ZNF845: variants seen among roughly 807,000 people sequenced by gnomAD.
ZNF845 encodes the protein zinc finger protein 845.
Under a neutral mutation model 76.1 loss-of-function variants are expected in ZNF845, and 59 were observed. The ratio of observed to expected loss-of-function variants is 0.78; its 90% CI spans 0.63 to 0.96. The LOEUF (loss-of-function observed/expected upper bound fraction) is 0.96, where lower values mean the gene tolerates loss of function less well. ZNF845 is among the 40% of genes least tolerant of loss of function. The pLI, the probability that ZNF845 is intolerant of heterozygous loss-of-function variation, is 0.00. For missense variants in ZNF845, 1,045 were observed against 1,172.8 expected, an observed-to-expected ratio of 0.89 and a Z score of 1.59; for synonymous variants, 361 against 386.9, an observed-to-expected ratio of 0.93 and a Z score of 0.78.
intron 2 of ZNF845, 79 bp downstream of exon 2, chr19:53,341,401 G>A (rs1472322349): frequency 1.3e-6 from 2 of 1,589,414 alleles, no homozygotes; most frequent in Admixed American, 1.7e-5. Flanking sequence ...AATCTTCTCT[G>A]AGTCTGAAGC....
intron 2 of ZNF845, among the ~76,000 whole-genome samples, chr19:53,343,372 G>A (rs1216534499): frequency 3.3e-5 from 5 of 152,140 alleles, no homozygotes; most frequent in Non-Finnish European, 7.3e-5. Flanking sequence ...GTGCCATAGT[G>A]GCTGCCTCTG....
chr19:53,343,765 T>C (rs2085273830), intron 2 of ZNF845, among the ~76,000 whole-genome samples: 1 of 152,196 alleles, frequency 6.6e-6, no homozygotes, highest in Admixed American at 6.5e-5. Flanking sequence ...TTTATTATTT[T>C]GTGGACATAT....
At chr19:53,344,118 CATGTGCCA>C (rs2085276810) in intron 2 of ZNF845, among the ~76,000 whole-genome samples, 1 of 152,096 alleles carries the variant, frequency 6.6e-6, no homozygotes, top group African/African-American at 2.4e-5. Context: ...GGATAACAGG[CATGTGCCA>C]CTGTGCCAGG....
At chr19:53,336,256 G>A (rs2085212849) in intron 1 of ZNF845, among the ~76,000 whole-genome samples, 1 of 149,588 alleles carries the variant, frequency 6.7e-6, no homozygotes, top group Non-Finnish European at 1.5e-5. Context: ...GGTGGCTCAT[G>A]CCTGTAATCC....
intron 3 of ZNF845, among the ~76,000 whole-genome samples, chr19:53,349,833 G>A (rs1462693616): frequency 6.6e-6 from 1 of 151,936 alleles, no homozygotes; most frequent in African/African-American, 2.4e-5. Context: ...TCTAAAGTTC[G>A]AGGCCAGCCT....
Position 53,351,009 on chromosome 19 carries a change from C to A in ZNF845, c.334C>A (p.Pro112Thr), listed in dbSNP as rs772071009. The A allele has an allele frequency of 1.2e-5, 19 of 1,614,112 alleles. No individual in the cohort carries two copies. Among genetic ancestry groups the A allele is most frequent in the Non-Finnish European group, 1.6e-5 (19 of 1,180,024 alleles). Residue 112 changes from proline to threonine, a missense_variant, in exon 4 of 4, where the codon CCC (proline) becomes ACC (threonine). By Grantham distance (38) the Pro-to-Thr change is conservative. Coordinates refer to ENST00000458035, the MANE Select transcript of ZNF845 (RefSeq NM_138374.3). ...AGATGAAAGAAATAGCCATGAAGCA[C>A]CCATGACAGAAATCAAACAGTTGAC... ...KEDERNSHEAPMTEIKQLTGS... is the reference protein window; with the variant it reads ...KEDERNSHEATMTEIKQLTGS...
chr19:53,346,906 C>T (rs1035722723), intron 3 of ZNF845, among the ~76,000 whole-genome samples: 7 of 70,828 alleles, frequency 9.9e-5, no homozygotes, highest in African/African-American at 3.4e-4. Context: ...ATTTATTTGA[C>T]GAAGTTTTGT....
intron 1 of ZNF845, among the ~76,000 whole-genome samples, chr19:53,338,046 C>T (rs1286112854): frequency 1.3e-5 from 2 of 152,166 alleles, no homozygotes; most frequent in Admixed American, 6.5e-5. Flanking sequence ...TTGTGTCTCC[C>T]TTCTTTGGAG....
chr19:53,345,683 T>C, intron 3 of ZNF845, 51 bp downstream of exon 3: 2 of 1,603,500 alleles, frequency 1.2e-6, no homozygotes, highest in Non-Finnish European at 1.7e-6. Context: ...TGTATCTTTG[T>C]ATTTTCTCTT....
At chr19:53,350,759 T>A (rs1022435058) in intron 3 of ZNF845, 59 bp from the exon 4 acceptor site, 2 of 1,556,036 alleles carry the variant, frequency 1.3e-6, no homozygotes, top group Non-Finnish European at 1.7e-6. Context: ...ATTTACACAT[T>A]TCAGTATTAT....
In ZNF845 at chr19:53,351,104, C is replaced by G; in HGVS notation, c.429C>G (p.Ser143Arg). Residue 143 changes from serine to arginine, a missense_variant, in exon 4 of 4, where the codon AGC (serine) becomes AGG (arginine). Physicochemically the swap from Ser to Arg is moderately radical, Grantham distance 110. Coordinates refer to ENST00000458035, the MANE Select transcript of ZNF845 (RefSeq NM_138374.3). ...CTATTAAAGATCAGCTTGGATCAAG[C>G]TTTCATTCGCATCTGCCTGAACTCC... Reference protein sequence around the residue: ...NKPIKDQLGSSFHSHLPELHM... With the variant: ...NKPIKDQLGSRFHSHLPELHM... 4.3e-6 allele frequency: 7 copies of G among 1,614,200 alleles called. No individual in the cohort carries two copies. The highest frequency in any genetic ancestry group is 5.9e-6 in the Non-Finnish European group (7 of 1,180,040).
intron 3 of ZNF845, among the ~76,000 whole-genome samples, chr19:53,348,929 T>C (rs2085315164): frequency 1.4e-5 from 2 of 143,252 alleles, no homozygotes; most frequent in Non-Finnish European, 3.0e-5. Context: ...CGATCTCGTC[T>C]CACTGCAACC....
intron 2 of ZNF845, 125 bp downstream of exon 2, chr19:53,341,447 CCTTCCCT>C (rs1354924094): frequency 2.8e-6 from 4 of 1,405,186 alleles, no homozygotes; most frequent in Non-Finnish European, 4.0e-6. Context: ...CTCACCCATG[CCTTCCCT>C]CAGTCCCTCT....
At position 53,351,296 on chromosome 19, in the gene ZNF845, A is replaced by T. The variant is rs1157909728; in HGVS notation, c.621A>T (p.Glu207Asp). The change falls in exon 4 of 4, where the codon GAA becomes GAT. Residue 207 changes from glutamate to aspartate, a missense_variant. Glu to Asp is a conservative substitution (Grantham distance 45, BLOSUM62 2). Coordinates refer to ENST00000458035, the MANE Select transcript of ZNF845 (RefSeq NM_138374.3). Reference sequence around the variant, plus strand: ...CTTCATTACTCACACAAAAGCAGGAAGTACACATGAGAGAAAAATCTTTCC... The same window carrying T: ...CTTCATTACTCACACAAAAGCAGGATGTACACATGAGAGAAAAATCTTTCC... ...LNSSLLTQKQEVHMREKSFQC... is the reference protein window; with the variant it reads ...LNSSLLTQKQDVHMREKSFQC... 6.2e-7 allele frequency: 1 copy of T among 1,614,266 alleles called. No individual in the cohort carries two copies. Among genetic ancestry groups the T allele is most frequent in the South Asian group, 1.1e-5 (1 of 91,088 alleles).
At chr19:53,342,352 G>A (rs1237619125) in intron 2 of ZNF845, among the ~76,000 whole-genome samples, 2 of 152,056 alleles carry the variant, frequency 1.3e-5, no homozygotes, top group East Asian at 1.9e-4. Flanking sequence ...TCTGACCTAA[G>A]GTGATCTGCC....
In ZNF845 at chr19:53,354,099, T is replaced by G. The variant is rs1047000031; in HGVS notation, c.*511T>G. On this transcript the variant is annotated 3_prime_UTR_variant, in exon 4 of 4. Coordinates refer to ENST00000458035, the MANE Select transcript of ZNF845 (RefSeq NM_138374.3). Reference sequence around the variant, plus strand: ...AGACAAACTTCACAAGTATGATGATTGCAGCAAAGCCTTTACTTCACGTTC... The same window carrying G: ...AGACAAACTTCACAAGTATGATGATGGCAGCAAAGCCTTTACTTCACGTTC... The G allele has an allele frequency of 5.7e-6, 3 of 527,924 alleles. No individual in the cohort carries two copies. The highest frequency in any genetic ancestry group is 1.1e-5 in the Non-Finnish European group (3 of 273,458). 32.7% of individuals were successfully genotyped at this position (527,924 alleles called of 1,614,324 possible). A position where few individuals can be genotyped will look rare whatever the true frequency, so the allele number is the denominator to read the frequency against.
At chr19:53,338,702 A>G (rs960729728) in intron 1 of ZNF845, among the ~76,000 whole-genome samples, 2 of 139,626 alleles carry the variant, frequency 1.4e-5, no homozygotes, top group African/African-American at 5.5e-5. Flanking sequence ...GAGCACACAC[A>G]CACACACACA....
chr19:53,340,876 G>A (rs1157510752), intron 1 of ZNF845: 10 of 376,540 alleles, frequency 2.7e-5, no homozygotes, highest in East Asian at 3.8e-5. Context: ...GCCTCAAGGC[G>A]TTCATGTGGG....
intron 2 of ZNF845, among the ~76,000 whole-genome samples, chr19:53,343,113 C>T (rs1289167475): frequency 1.3e-5 from 2 of 152,106 alleles, no homozygotes; most frequent in African/African-American, 4.8e-5. Context: ...TCCACCGCGC[C>T]CAGCCCCCAA....
Sources: gnomAD v4.1 joint callset for allele counts (sites outside exome capture counted in the v4.1 genomes callset) on GRCh38, gnomAD v4.1.1 for gene constraint, MANE v1.5 for transcripts, NCBI Gene and HGNC (gene_info 2026-07-23, HGNC 2026-07-21) for gene names.